Variants in RBKS observed in about 807,000 individuals in gnomAD.
The protein encoded by RBKS is ribokinase.
RBKS carries 33 observed loss-of-function variants against 33.9 expected under a neutral mutation model. The observed-to-expected ratio is 0.97, with a 90% CI of 0.74 to 1.30. RBKS has a LOEUF of 1.30. Ranked by LOEUF, RBKS falls within the 50% of genes most tolerant of loss-of-function variation. The pLI is 0.00. For missense variants in RBKS, 361 were observed against 392.6 expected (o/e 0.92, Z 0.68); for synonymous variants, 125 against 143.0 (o/e 0.87, Z 0.90).
chr2:27,852,113 A>T (rs1224263984), intron 2 of RBKS, among the ~76,000 whole-genome samples: 1 of 152,164 alleles, frequency 6.6e-6, no homozygotes, highest in African/African-American at 2.4e-5. Context: ...TCAGAACTCA[A>T]CATGCTCTTT....
Position 27,781,654 on chromosome 2 carries a change from A to G in RBKS, c.930T>C (p.Ser310=). The part of the protein sequence containing the change: ...VSVQAAGTQS[S]YPYKKDLPLT... ...GCGGAAGGTCTTTTTTGTAAGGGTAAGATGACTGTGTTCCTGCAGCCTGGA... is the reference window on the plus strand; with the variant it reads ...GCGGAAGGTCTTTTTTGTAAGGGTAGGATGACTGTGTTCCTGCAGCCTGGA... Residue 310 remains serine, a synonymous_variant, in exon 8 of 8, where the codon TCT becomes TCC. Transcript: ENST00000302188. 2.5e-6 allele frequency: 4 copies of G among 1,614,008 alleles called. No homozygotes were observed. The highest frequency in any genetic ancestry group is 3.4e-6 in the Non-Finnish European group (4 of 1,179,954).
At chr2:27,865,882 ATTT>A (rs938390170) in intron 1 of RBKS, among the ~76,000 whole-genome samples, 1 of 152,108 alleles carries the variant, frequency 6.6e-6, no homozygotes, top group Non-Finnish European at 1.5e-5. Flanking sequence ...ATTGTCATAC[ATTT>A]TACTTCCACA....
rs1677969591 is a variant in RBKS at position 27,810,497 on chromosome 2, A to C, written c.795+17070T>G. Among the ~76,000 whole-genome samples the C allele has an allele frequency of 6.6e-6, 1 of 152,122 alleles. No individual in the cohort carries two copies. The highest frequency in any genetic ancestry group is 1.5e-5 in the Non-Finnish European group (1 of 68,046). ...TTTAATTTTATTTTTTGTAAGTTAT[A>C]CAGGCATCTTTCTGTGCTATCTGCA... On this transcript the variant is annotated intron_variant, in intron 7 of 7. Coordinates refer to ENST00000302188, the MANE Select transcript of RBKS (RefSeq NM_022128.3). This position sits in a 1 kb window ranked among gnomAD's most constrained non-coding sequence, Gnocchi z 4.4.
intron 7 of RBKS, among the ~76,000 whole-genome samples, chr2:27,796,312 A>G (rs1179148408): frequency 2.0e-5 from 3 of 152,282 alleles, no homozygotes; most frequent in East Asian, 1.9e-4. Context: ...TTTCCAGTCA[A>G]TCATTCTTGG....
intron 1 of RBKS, among the ~76,000 whole-genome samples, chr2:27,869,192 A>G (rs1452272410): frequency 6.6e-6 from 1 of 152,112 alleles, no homozygotes; most frequent in East Asian, 1.9e-4. Flanking sequence ...ATATTTTAGG[A>G]TTTTATAATT....
At chr2:27,789,487 C>G (rs1677466960) in intron 7 of RBKS, among the ~76,000 whole-genome samples, 1 of 151,482 alleles carries the variant, frequency 6.6e-6, no homozygotes. Flanking sequence ...TAACCTCCGC[C>G]TCCTGGGTTC....
At chr2:27,808,759 TA>T (rs1281084726) in intron 7 of RBKS, among the ~76,000 whole-genome samples, 1 of 152,216 alleles carries the variant, frequency 6.6e-6, no homozygotes, top group Non-Finnish European at 1.5e-5. Flanking sequence ...ATAACATTTG[TA>T]AAAAATGTAG....
chr2:27,789,921 GTGTGTATATATATATATATGTATA>G (rs1558532948), intron 7 of RBKS, among the ~76,000 whole-genome samples: 2 of 127,282 alleles, frequency 1.6e-5, no homozygotes, highest in South Asian at 5.0e-4. Context: ...GTGTGTTTGT[GTGTGTATATATATATATATGTATA>G]TGTGTATATA....
chr2:27,843,211 C>G lies in RBKS; in HGVS notation c.370G>C (p.Val124Leu), dbSNP rs774618368. ...TTCAAAAGTAAATTTGCTCCAGCCA[C>G]TATGACAATGATATTCTGGCCTATA... Reference protein sequence around the residue: ...NNEGQNIIVIVAGANLLLNTE... With the variant: ...NNEGQNIIVILAGANLLLNTE... Residue 124 changes from valine (V) to leucine (L), a missense_variant, in exon 5 of 8, where the codon GTG becomes CTG. Val to Leu is a conservative substitution (Grantham distance 32, BLOSUM62 1). Transcript: ENST00000302188. 1 of 1,610,684 alleles carries G rather than the reference C, an allele frequency of 6.2e-7. No homozygotes were observed. The highest frequency in any genetic ancestry group is 8.5e-7 in the Non-Finnish European group (1 of 1,178,458).
intron 5 of RBKS, among the ~76,000 whole-genome samples, chr2:27,838,645 C>A (rs529263406): frequency 6.6e-6 from 1 of 152,260 alleles, no homozygotes; most frequent in Non-Finnish European, 1.5e-5. Flanking sequence ...CATACTCCAC[C>A]ATGATGAAAG....
In RBKS at chr2:27,781,550, G is replaced by T; in HGVS notation, c.*65C>A. The T allele has an allele frequency of 3.0e-6, 4 of 1,319,978 alleles. No individual in the cohort carries two copies. The highest frequency in any genetic ancestry group is 4.1e-6 in the Non-Finnish European group (4 of 965,866). The allele number at this position is 1,319,978 out of a possible 1,614,324, so 81.8% of individuals were successfully genotyped here. A position where few individuals can be genotyped will look rare whatever the true frequency, so the allele number is the denominator to read the frequency against. On this transcript the variant is annotated 3_prime_UTR_variant, in exon 8 of 8. Coordinates refer to ENST00000302188, the MANE Select transcript of RBKS (RefSeq NM_022128.3). ...CGAGGACATTTTCTAATAAGCATTA[G>T]CCAGGAGCAGCCACCCCCAAGTACA...
chr2:27,850,636 C>G (rs1209697763), intron 2 of RBKS, among the ~76,000 whole-genome samples: 1 of 152,162 alleles, frequency 6.6e-6, no homozygotes, highest in East Asian at 1.9e-4. Flanking sequence ...TCCTCTGTGT[C>G]TTTTTATGCC....
chr2:27,849,559 C>CAAAAAAAAAAAAA (rs70953894), intron 2 of RBKS, among the ~76,000 whole-genome samples: 44 of 28,568 alleles, frequency 1.5e-3, no homozygotes, highest in Middle Eastern at 0.023. Flanking sequence ...GACTCTGTCT[C>CAAAAAAAAAAAAA]AAAAAAAAAA....
Position 27,872,473 on chromosome 2 carries a change from T to C in RBKS, c.90-13902A>G, listed in dbSNP as rs563365711. Among the ~76,000 whole-genome samples the C allele has an allele frequency of 2.0e-5, 3 of 151,888 alleles. No individual in the cohort carries two copies. The South Asian group carries it at 6.2e-4, about 32-fold the overall frequency. On this transcript the variant is annotated intron_variant, in intron 1 of 7. Transcript: ENST00000302188. Reference sequence around the variant, plus strand: ...AAAGATATACAAGGCAAATAGCAACTAAAACAAACCTGGATAGCTTTATCA... The same window carrying C: ...AAAGATATACAAGGCAAATAGCAACCAAAACAAACCTGGATAGCTTTATCA...
intron 7 of RBKS, among the ~76,000 whole-genome samples, chr2:27,788,907 G>A (rs1232917363): frequency 2.0e-5 from 3 of 152,092 alleles, no homozygotes; most frequent in African/African-American, 7.2e-5. Context: ...ATATTCTTAA[G>A]ATATAAATTC....
chr2:27,868,956 T>C (rs941815767), intron 1 of RBKS, among the ~76,000 whole-genome samples: 8 of 152,178 alleles, frequency 5.3e-5, no homozygotes, highest in African/African-American at 1.9e-4. Flanking sequence ...ACTAAACACT[T>C]TATAACTATC....
intron 7 of RBKS, among the ~76,000 whole-genome samples, chr2:27,814,150 G>C (rs1239510609): frequency 6.6e-6 from 1 of 152,158 alleles, no homozygotes; most frequent in East Asian, 1.9e-4. Flanking sequence ...GAGCCCAGGA[G>C]TTTGAGGCTA....
intron 2 of RBKS, among the ~76,000 whole-genome samples, chr2:27,855,875 G>A (rs566535326): frequency 6.6e-6 from 1 of 152,256 alleles, no homozygotes; most frequent in Admixed American, 6.5e-5. Context: ...GTAGCAAGAG[G>A]TAAATAAATC....
rs1357828503 is a variant in RBKS at position 27,873,217 on chromosome 2, C to G, written c.90-14646G>C. ...TGCTCATTACAACCCAAATAACTAA[C>G]CAGTTAAATAATGCAGTTTCCTTGT... On this transcript the variant is annotated intron_variant, in intron 1 of 7. Coordinates refer to ENST00000302188, the MANE Select transcript of RBKS (RefSeq NM_022128.3). Among the ~76,000 whole-genome samples the G allele has an allele frequency of 2.0e-5, 3 of 152,102 alleles. No homozygotes were observed. The East Asian group carries it at 5.8e-4, about 29-fold the overall frequency.
Sources: gnomAD v4.1 joint callset for allele counts (sites outside exome capture counted in the v4.1 genomes callset) on GRCh38, gnomAD v4.1.1 for gene constraint, Gnocchi (gnomAD v3.1) non-coding constraint, MANE v1.5 for transcripts, NCBI Gene and HGNC (gene_info 2026-07-23, HGNC 2026-07-21) for gene names.